ABTB2: variants seen among roughly 807,000 people sequenced by gnomAD.
ABTB2 encodes the protein ankyrin repeat and BTB domain containing 2.
A neutral mutation model predicts 104.1 loss-of-function variants in ABTB2; 56 were observed. That is an observed-to-expected ratio of 0.54 (90% CI 0.43 to 0.67). ABTB2 has a LOEUF of 0.67. Among genes scored for constraint, ABTB2 ranks in the 30% least tolerant of loss-of-function variants. The probability of loss-of-function intolerance (pLI) is 0.00; values close to 1 mark genes in which losing one functional copy is unlikely to be tolerated. For synonymous variants in ABTB2, 606 were observed against 608.2 expected, an observed-to-expected ratio of 1.00 and a Z score of 0.05; for missense variants, 1,279 against 1,407.7, an observed-to-expected ratio of 0.91 and a Z score of 1.46.
intron 1 of ABTB2, among the ~76,000 whole-genome samples, chr11:34,251,387 G>C (rs550434182): frequency 3.3e-4 from 50 of 152,256 alleles, no homozygotes; most frequent in Non-Finnish European, 6.0e-4. Flanking sequence ...TCTCCAAAGG[G>C]GGACCACACA....
chr11:34,256,602 G>A (rs556681137), intron 1 of ABTB2, among the ~76,000 whole-genome samples: 15 of 152,260 alleles, frequency 9.9e-5, no homozygotes, highest in African/African-American at 2.9e-4. Flanking sequence ...GAATCAAGTC[G>A]CTAATGAGAC....
chr11:34,245,215 G>A (rs71482808), intron 1 of ABTB2, among the ~76,000 whole-genome samples: 1 of 152,170 alleles, frequency 6.6e-6, no homozygotes, highest in Non-Finnish European at 1.5e-5. Context: ...GAAGGGCTCA[G>A]GTTCAGCACC....
Position 34,283,153 on chromosome 11 carries a change from C to T in ABTB2, c.883+73548G>A, listed in dbSNP as rs187975002. 8.7e-3 allele frequency among the ~76,000 whole-genome samples: 1,271 copies of T among 146,448 alleles called. 9 individuals carry two copies. The highest frequency in any genetic ancestry group is 0.014 in the Non-Finnish European group (896 of 66,332). ...CAGGACATTCTCGATCTCCTGACCT[C>T]GTGATCCGCCTGCCTCGGCCTCCCA... On this transcript the variant is annotated intron_variant, in intron 1 of 16. Transcript: ENST00000435224.
chr11:34,356,830 G>T lies in ABTB2; in HGVS notation c.754C>A (p.Pro252Thr). 1 of 1,606,146 alleles carries T rather than the reference G, an allele frequency of 6.2e-7. No individual in the cohort carries two copies. The highest frequency in any genetic ancestry group is 2.2e-5 in the East Asian group (1 of 44,632). The change falls in exon 1 of 17, where the codon CCT becomes ACT. Residue 252 changes from proline to threonine, a missense_variant. Coordinates refer to ENST00000435224, the MANE Select transcript of ABTB2 (RefSeq NM_145804.3). The surrounding 1 kb of genome is among the most constrained non-coding windows in gnomAD (Gnocchi z 4.6). ...CCGCCTCCGGCCCCTCCGCCATCAG[G>T]GCTGTGGCTGGCCATCACCCTGGCC... ...IRARVMASHS[P>T]DGGGAGGGEV...
At chr11:34,164,662 A>G in intron 9 of ABTB2, 24 bp downstream of exon 9, 1 of 1,473,224 alleles carries the variant, frequency 6.8e-7, no homozygotes. Flanking sequence ...CATGTCACAC[A>G]GGGTGGGAAT....
At chr11:34,239,938 C>A (rs535527764) in intron 1 of ABTB2, among the ~76,000 whole-genome samples, 6 of 152,184 alleles carry the variant, frequency 3.9e-5, no homozygotes, top group Non-Finnish European at 7.3e-5. Context: ...GCATTTCCCC[C>A]CTAAATACTG....
intron 4 of ABTB2, among the ~76,000 whole-genome samples, 159 bp from the exon 5 acceptor site, chr11:34,171,230 G>A (rs529682215): frequency 6.6e-6 from 1 of 152,188 alleles, no homozygotes; most frequent in Non-Finnish European, 1.5e-5. Context: ...TCCCCATCAT[G>A]TTCTGTCATA....
chr11:34,343,374 G>A (rs1184880078), intron 1 of ABTB2, among the ~76,000 whole-genome samples: 6 of 152,166 alleles, frequency 3.9e-5, no homozygotes, highest in African/African-American at 1.2e-4. Context: ...GGCTCTCCCA[G>A]GAATGCTACC....
At chr11:34,237,274 TTC>T (rs1474478125) in intron 1 of ABTB2, among the ~76,000 whole-genome samples, 3 of 148,710 alleles carry the variant, frequency 2.0e-5, no homozygotes, top group Non-Finnish European at 4.4e-5. Flanking sequence ...TTCCTGGATA[TTC>T]TTTTTTTTTT....
intron 1 of ABTB2, among the ~76,000 whole-genome samples, chr11:34,300,010 C>T (rs1274464971): frequency 6.6e-6 from 1 of 152,282 alleles, no homozygotes; most frequent in South Asian, 2.1e-4. Flanking sequence ...GTGCCTGGCA[C>T]AGAGTCAGAG....
intron 1 of ABTB2, among the ~76,000 whole-genome samples, chr11:34,319,394 C>T (rs895983131): frequency 1.6e-4 from 25 of 152,240 alleles, no homozygotes; most frequent in Admixed American, 3.3e-4. Flanking sequence ...GATGCCTGCA[C>T]TGGCCAGTAT....
intron 1 of ABTB2, among the ~76,000 whole-genome samples, chr11:34,344,944 T>C (rs1855312429): frequency 6.6e-6 from 1 of 152,154 alleles, no homozygotes; most frequent in African/African-American, 2.4e-5. Context: ...CCATAGCAAC[T>C]TGGTGTCATC....
intron 1 of ABTB2, among the ~76,000 whole-genome samples, chr11:34,250,547 C>T (rs1854043311): frequency 6.6e-6 from 1 of 152,182 alleles, no homozygotes; most frequent in Non-Finnish European, 1.5e-5. Context: ...ATTTTTCAAA[C>T]AAACCCTAGG....
At position 34,357,679 on chromosome 11, in the gene ABTB2, G is replaced by A; in HGVS notation, c.-96C>T. The A allele has an allele frequency of 7.9e-7, 1 of 1,271,842 alleles. No homozygotes were observed. The highest frequency in any genetic ancestry group is 1.9e-5 in the South Asian group (1 of 53,032). 78.8% of individuals were successfully genotyped at this position (1,271,842 alleles called of 1,614,324 possible). On this transcript the variant is annotated 5_prime_UTR_variant, in exon 1 of 17. Coordinates refer to ENST00000435224, the MANE Select transcript of ABTB2 (RefSeq NM_145804.3). ...GCAGAAACAAGCTCTAGGCCCTCCG[G>A]GCCACCCTCCTTCCTCTCTGCGTCG...
intron 1 of ABTB2, among the ~76,000 whole-genome samples, chr11:34,281,017 A>G (rs1223106423): frequency 6.6e-6 from 1 of 152,184 alleles, no homozygotes; most frequent in Non-Finnish European, 1.5e-5. Context: ...GGTGGTGGCA[A>G]TGAAAGTGGT....
Position 34,237,305 on chromosome 11 carries a change from G to C in ABTB2, c.884-32615C>G, listed in dbSNP as rs191701763. On this transcript the variant is annotated intron_variant, in intron 1 of 16. Coordinates refer to ENST00000435224, the MANE Select transcript of ABTB2 (RefSeq NM_145804.3). ...TTTTTTTTTTTTTTTTTTTTAGACC[G>C]AGTCTCGCTCTATTGCCCAGGCTGG... is the stretch of plus-strand genomic sequence containing the variant. Among the ~76,000 whole-genome samples, 51 of 127,640 alleles carry C rather than the reference G, an allele frequency of 4.0e-4. 2 individuals carry two copies. The East Asian group carries it at 8.7e-3, about 22-fold the overall frequency. 83.7% of individuals were successfully genotyped at this position (127,640 alleles called of 152,430 possible).
chr11:34,319,795 A>C (rs1043090122), intron 1 of ABTB2, among the ~76,000 whole-genome samples: 10 of 152,150 alleles, frequency 6.6e-5, no homozygotes, highest in African/African-American at 2.2e-4. Flanking sequence ...CAGCCTCCCA[A>C]GTAGGTTGGA....
chr11:34,232,992 A>G (rs1011146768), intron 1 of ABTB2, among the ~76,000 whole-genome samples: 2 of 150,552 alleles, frequency 1.3e-5, no homozygotes, highest in Non-Finnish European at 1.5e-5. Flanking sequence ...CAAAACCCCA[A>G]ATGCCCCGCA....
At chr11:34,280,555 C>T (rs1854438117) in intron 1 of ABTB2, among the ~76,000 whole-genome samples, 1 of 152,124 alleles carries the variant, frequency 6.6e-6, no homozygotes. Flanking sequence ...CTCAGGGCCC[C>T]TACTGCTAAC....
Sources: allele counts gnomAD v4.1 joint callset (sites outside exome capture counted in the v4.1 genomes callset), GRCh38; gene constraint gnomAD v4.1.1; non-coding constraint Gnocchi (gnomAD v3.1); transcripts MANE v1.5; gene names NCBI Gene and HGNC (gene_info 2026-07-23, HGNC 2026-07-21).